The following SOD2 variants were observed in gnomAD, a reference collection of about 807,000 sequenced individuals.
SOD2 encodes the protein superoxide dismutase [Mn], mitochondrial.
In SOD2, 11 loss-of-function variants were observed where a neutral mutation model predicts 27.0. The ratio of observed to expected loss-of-function variants is 0.41; its 90% CI spans 0.26 to 0.67. The LOEUF (loss-of-function observed/expected upper bound fraction) is 0.67. Among genes scored for constraint, SOD2 ranks in the 30% least tolerant of loss-of-function variants. SOD2 has a pLI of 0.34. For synonymous variants in SOD2, 105 were observed against 103.0 expected (o/e 1.02, Z -0.12); for missense variants, 250 against 274.5 (o/e 0.91, Z 0.63).
In SOD2 at chr6:159,689,686, G is replaced by C. The variant is rs186785038; in HGVS notation, c.227-1444C>G. 2.1e-3 allele frequency among the ~76,000 whole-genome samples: 319 copies of C among 152,296 alleles called. 3 individuals carry two copies. The highest frequency in any genetic ancestry group is 7.4e-3 in the African/African-American group (308 of 41,550). ...TTAAGAACATATGTCTGGGCCGGGT[G>C]CGGTGGCTCACGCCTGTAATCTCAG... On this transcript the variant is annotated intron_variant, in intron 2 of 4. Transcript: ENST00000538183.
Position 159,672,969 on chromosome 6 carries a change from C to T in SOD2, c.*9524G>A, listed in dbSNP as rs546483596. 2 of 152,060 alleles carry T rather than the reference C, an allele frequency of 1.3e-5. No homozygotes were observed. The highest frequency in any genetic ancestry group is 4.8e-5 in the African/African-American group (2 of 41,406). 9.4% of individuals were successfully genotyped at this position (152,060 alleles called of 1,614,324 possible). A position where few individuals can be genotyped will look rare whatever the true frequency, so the allele number is the denominator to read the frequency against. ...CAATCCTAGTCTCTGATAAAACAGA[C>T]TTTAAACCAACAAAGATCAAAAGAG... On this transcript the variant is annotated 3_prime_UTR_variant, in exon 5 of 5. Coordinates refer to ENST00000538183, the MANE Select transcript of SOD2 (RefSeq NM_000636.4).
intron 1 of SOD2, among the ~76,000 whole-genome samples, chr6:159,751,295 G>A (rs2114953771): frequency 6.6e-6 from 1 of 152,212 alleles, no homozygotes; most frequent in South Asian, 2.1e-4. Context: ...TAGAATTTGT[G>A]ACATTTTTAT....
chr6:159,755,360 T>A (rs747538278), intron 1 of SOD2: 1 of 1,614,214 alleles, frequency 6.2e-7, no homozygotes, highest in Admixed American at 1.7e-5. Flanking sequence ...TAATAAGTCC[T>A]CCAACAGCTC....
chr6:159,737,241 G>GT (rs1176979471), intron 1 of SOD2, among the ~76,000 whole-genome samples: 1 of 152,098 alleles, frequency 6.6e-6, no homozygotes, highest in Non-Finnish European at 1.5e-5. Flanking sequence ...TAGAGATGGG[G>GT]TTTTACCATG....
At chr6:159,762,021 G>A (rs748392310) in exon 1 of SOD2, 14 of 1,583,870 alleles carry the variant, frequency 8.8e-6, no homozygotes, top group Non-Finnish European at 1.1e-5. Flanking sequence ...GCAGGCCTGT[G>A]GGCTGCGAGG....
intron 1 of SOD2, among the ~76,000 whole-genome samples, chr6:159,703,039 G>A (rs1371792664): frequency 6.6e-6 from 1 of 152,040 alleles, no homozygotes; most frequent in Non-Finnish European, 1.5e-5. Flanking sequence ...TTCCGGCCAG[G>A]CATGGTGGCT....
chr6:159,707,638 C>G (rs1777653033), intron 1 of SOD2, among the ~76,000 whole-genome samples: 1 of 151,956 alleles, frequency 6.6e-6, no homozygotes, highest in South Asian at 2.1e-4. Context: ...GCTTACCAAC[C>G]AAAAAAAGTC....
intron 1 of SOD2, chr6:159,727,045 T>C (rs1778210178): frequency 2.5e-6 from 3 of 1,222,084 alleles, no homozygotes; most frequent in Admixed American, 2.9e-5. Flanking sequence ...CCCCGGCGAG[T>C]ACTTCCACCT....
chr6:159,730,764 C>T (rs1778516673), upstream of SOD2: 1 of 152,138 alleles, frequency 6.6e-6, no homozygotes, highest in African/African-American at 2.4e-5. Context: ...TGAGAGTTGA[C>T]TTAGGAAGTG....
chr6:159,670,257 T>C lies in SOD2; in HGVS notation c.*12236A>G, dbSNP rs1388236238. 6.6e-6 allele frequency: 1 copy of C among 152,300 alleles called. No individual in the cohort carries two copies. The highest frequency in any genetic ancestry group is 1.5e-5 in the Non-Finnish European group (1 of 68,118). 9.4% of individuals were successfully genotyped at this position (152,300 alleles called of 1,614,324 possible). On this transcript the variant is annotated 3_prime_UTR_variant, in exon 5 of 5. Transcript: ENST00000538183. ...CCTGGACTCAAGAGATCCTCCTGCG[T>C]TGGCCTCCCAAAGCACAGAGATTAC...
intron 1 of SOD2, chr6:159,760,612 TTAGGAGA>T (rs1780103476): frequency 6.6e-6 from 1 of 152,188 alleles, no homozygotes; most frequent in Non-Finnish European, 1.5e-5. Context: ...GTCAGTCAGC[TTAGGAGA>T]CGAGGTTAGA....
intron 1 of SOD2, among the ~76,000 whole-genome samples, chr6:159,710,970 A>G (rs1777735661): frequency 7.9e-6 from 1 of 126,630 alleles, no homozygotes; most frequent in African/African-American, 2.9e-5. Context: ...GACCTCCATA[A>G]CCACCTCCAT....
At chr6:159,687,083 T>A (rs1242438395) in intron 3 of SOD2, among the ~76,000 whole-genome samples, 1 of 152,200 alleles carries the variant, frequency 6.6e-6, no homozygotes, top group Non-Finnish European at 1.5e-5. Context: ...AATGACACTA[T>A]AATTTAATTC....
chr6:159,688,363 T>C lies in SOD2; in HGVS notation c.227-121A>G. On this transcript the variant is annotated intron_variant, in intron 2 of 4. Transcript: ENST00000538183. ...GGGACCAGCTTATCTATAACATCCG[T>C]TTGTCCTAAAATTCAGCACCCCCCC... 1.4e-5 allele frequency: 9 copies of C among 662,348 alleles called. 2 individuals carry two copies. Among genetic ancestry groups the C allele is most frequent in the Admixed American group, 4.8e-5 (2 of 41,752 alleles). 41.0% of individuals were successfully genotyped at this position (662,348 alleles called of 1,614,324 possible). A position where few individuals can be genotyped will look rare whatever the true frequency, so the allele number is the denominator to read the frequency against.
At chr6:159,735,698 G>C (rs1778869051) in intron 1 of SOD2, among the ~76,000 whole-genome samples, 1 of 152,056 alleles carries the variant, frequency 6.6e-6, no homozygotes, top group Non-Finnish European at 1.5e-5. Context: ...GCAGTGACCT[G>C]AGATCGCGCC....
chr6:159,701,472 G>T (rs1777521670), intron 1 of SOD2, among the ~76,000 whole-genome samples: 1 of 151,818 alleles, frequency 6.6e-6, no homozygotes, highest in South Asian at 2.1e-4. Flanking sequence ...TTGGGAGGCT[G>T]AGGCCCGAGG....
chr6:159,733,306 G>C (rs1014157765), intron 1 of SOD2, among the ~76,000 whole-genome samples: 4 of 152,178 alleles, frequency 2.6e-5, no homozygotes, highest in Admixed American at 6.5e-5. Context: ...TCTGTTTGCT[G>C]TATCCCTTGA....
intron 1 of SOD2, chr6:159,736,458 A>G (rs1778923800): frequency 1.8e-6 from 1 of 570,562 alleles, no homozygotes; most frequent in Middle Eastern, 4.7e-4. Context: ...ACAGTGTGCC[A>G]GATATTGTAT....
intron 1 of SOD2, among the ~76,000 whole-genome samples, chr6:159,710,202 A>G (rs765122690): frequency 1.3e-5 from 2 of 151,736 alleles, no homozygotes; most frequent in Non-Finnish European, 2.9e-5. Context: ...AACATGGCAC[A>G]TGCATACATA....
Sources: gnomAD v4.1 joint callset for allele counts (sites outside exome capture counted in the v4.1 genomes callset) on GRCh38, gnomAD v4.1.1 for gene constraint, MANE v1.5 for transcripts, NCBI Gene and HGNC (gene_info 2026-07-23, HGNC 2026-07-21) for gene names.